The following RBBP5 variants were observed in gnomAD, a reference collection of about 807,000 sequenced individuals.
RBBP5 encodes the protein RB binding protein 5, histone lysine methyltransferase complex subunit.
Under a neutral mutation model 72.2 loss-of-function variants are expected in RBBP5, and 5 were observed. The ratio of observed to expected loss-of-function variants is 0.07; its 90% CI spans 0.04 to 0.15. The LOEUF is 0.15. Ranked by LOEUF, RBBP5 falls within the 10% of genes least tolerant of loss-of-function variation. The pLI is 1.00. For synonymous variants in RBBP5, 209 were observed against 237.2 expected, an observed-to-expected ratio of 0.88 and a Z score of 1.09; for missense variants, 322 against 652.2, an observed-to-expected ratio of 0.49 and a Z score of 5.51.
intron 3 of RBBP5, 119 bp downstream of exon 3, chr1:205,114,670 T>C: frequency 1.0e-6 from 1 of 982,024 alleles, no homozygotes; most frequent in Non-Finnish European, 1.5e-6. Context: ...TGATAAACTG[T>C]ATTACTAATG....
Position 205,105,183 on chromosome 1 carries a change from G to A in RBBP5, c.219-15C>T, listed in dbSNP as rs755345078. 1.2e-6 allele frequency: 2 copies of A among 1,604,370 alleles called. No homozygotes were observed. Among genetic ancestry groups the A allele is most frequent in the Non-Finnish European group, 1.7e-6 (2 of 1,176,456 alleles). ...CTCGGCTCCAGCTGAGGAAAAAAAA[G>A]GGGTAATTTAGCACATATTCTAAGT... On this transcript the variant is annotated splice_polypyrimidine_tract_variant and intron_variant, in intron 3 of 13. Transcript: ENST00000264515.
intron 13 of RBBP5, chr1:205,091,357 T>C (rs1487974887): frequency 6.6e-6 from 1 of 152,274 alleles, no homozygotes; most frequent in Non-Finnish European, 1.5e-5. Flanking sequence ...ATTTGATAGA[T>C]AGCGCAGACT....
At chr1:205,101,765 G>T in intron 5 of RBBP5, 56 bp from the exon 6 acceptor site, 1 of 1,275,644 alleles carries the variant, frequency 7.8e-7, no homozygotes, top group South Asian at 1.2e-5. Flanking sequence ...AACAATAATT[G>T]ATTTGGCTTG....
chr1:205,093,622 C>T (rs1319960133), intron 13 of RBBP5, among the ~76,000 whole-genome samples: 2 of 146,992 alleles, frequency 1.4e-5, no homozygotes, highest in East Asian at 2.0e-4. Context: ...TGAATGTGGA[C>T]GTGGTAACCA....
chr1:205,093,479 AATATATATATATATATAT>A (rs1204598107), intron 13 of RBBP5, among the ~76,000 whole-genome samples: 5 of 7,844 alleles, frequency 6.4e-4, no homozygotes, highest in Admixed American at 4.1e-3. Flanking sequence ...AAAAAAAAAA[AATATATATATATATATAT>A]ATATATATAT....
chr1:205,091,600 C>T (rs780965584), intron 13 of RBBP5: 2 of 152,210 alleles, frequency 1.3e-5, no homozygotes, highest in Admixed American at 6.5e-5. Context: ...GCATACTCTC[C>T]TGTTGCAACA....
intron 1 of RBBP5, among the ~76,000 whole-genome samples, chr1:205,117,608 C>T (rs1574721696): frequency 2.0e-5 from 3 of 151,490 alleles, no homozygotes; most frequent in South Asian, 4.2e-4. Context: ...TGCAGTGAGC[C>T]GAGGTCACAC....
intron 3 of RBBP5, among the ~76,000 whole-genome samples, chr1:205,106,080 G>A (rs904637537): frequency 6.6e-6 from 1 of 152,158 alleles, no homozygotes; most frequent in African/African-American, 2.4e-5. Flanking sequence ...TGGTGTCAGA[G>A]AAGGACACAT....
chr1:205,100,375 A>G, intron 6 of RBBP5, 104 bp from the exon 7 acceptor site: 2 of 1,331,700 alleles, frequency 1.5e-6, no homozygotes, highest in Non-Finnish European at 2.0e-6. Flanking sequence ...AATCAAAGTA[A>G]TAGACTAGAA....
At position 205,088,695 on chromosome 1, in the gene RBBP5, T is replaced by A. The variant is rs1655219810; in HGVS notation, c.*92A>T. ...CTGGGTGGGAGGCACAGGCCTTTGT[T>A]TTAAATTAAAGTCAATTTTCAAATG... On this transcript the variant is annotated 3_prime_UTR_variant, in exon 14 of 14. Transcript: ENST00000264515. 3 of 1,388,022 alleles carry A rather than the reference T, an allele frequency of 2.2e-6. No individual in the cohort carries two copies. The South Asian group carries it at 3.8e-5, about 18-fold the overall frequency. 86.0% of individuals were successfully genotyped at this position (1,388,022 alleles called of 1,614,324 possible).
rs182671079 is a variant in RBBP5 at position 205,095,191 on chromosome 1, T to C, written c.1397-127A>G. ...AATTAATAATTATAAAGAGAAAAGTTTGTCTTATTTCTATAAGTATAAAAC... is the reference window on the plus strand; with the variant it reads ...AATTAATAATTATAAAGAGAAAAGTCTGTCTTATTTCTATAAGTATAAAAC... On this transcript the variant is annotated intron_variant, in intron 12 of 13. Coordinates refer to ENST00000264515, the MANE Select transcript of RBBP5 (RefSeq NM_005057.4). 193 of 925,142 alleles carry C rather than the reference T, an allele frequency of 2.1e-4. 3 individuals are homozygous for C. Among genetic ancestry groups the C allele is most frequent in the Middle Eastern group, 1.7e-3 (5 of 2,958 alleles). 57.3% of individuals were successfully genotyped at this position (925,142 alleles called of 1,614,324 possible). A position where few individuals can be genotyped will look rare whatever the true frequency, so the allele number is the denominator to read the frequency against.
At chr1:205,118,243 T>C (rs993957198) in intron 1 of RBBP5, among the ~76,000 whole-genome samples, 3 of 152,168 alleles carry the variant, frequency 2.0e-5, no homozygotes, top group Non-Finnish European at 2.9e-5. Context: ...ATTTCAATGT[T>C]TTTCAAACAG....
At chr1:205,095,304 A>G (rs1227957486) in intron 12 of RBBP5, among the ~76,000 whole-genome samples, 1 of 152,236 alleles carries the variant, frequency 6.6e-6, no homozygotes, top group Non-Finnish European at 1.5e-5. Flanking sequence ...CACAGGCTAC[A>G]TGCGGCCTAG....
intron 5 of RBBP5, 21 bp downstream of exon 5, chr1:205,103,836 T>C: frequency 1.2e-6 from 2 of 1,602,642 alleles, no homozygotes; most frequent in South Asian, 1.1e-5. Flanking sequence ...AGATGCCTGA[T>C]TTGCCAGCTT....
intron 5 of RBBP5, among the ~76,000 whole-genome samples, chr1:205,103,399 GA>G (rs1655925896): frequency 6.6e-6 from 1 of 152,148 alleles, no homozygotes; most frequent in Admixed American, 6.6e-5. Flanking sequence ...TTATTCCACA[GA>G]AGAAACACCT....
intron 5 of RBBP5, among the ~76,000 whole-genome samples, chr1:205,102,534 A>G (rs1268007106): frequency 1.3e-5 from 2 of 152,184 alleles, no homozygotes; most frequent in African/African-American, 4.8e-5. Flanking sequence ...ATTATGATTC[A>G]ATAGGTACAG....
chr1:205,121,868 G>A lies in RBBP5; in HGVS notation c.6C>T (p.Asn2=). M[N]LELLESFGQN... ...AGCCCTTCTCACCCAGCAACTCGAG[G>A]TTCATCCCTGCGGACTGTGGCCGCC... The change falls in exon 1 of 14, where the codon AAC becomes AAT. Residue 2 remains asparagine (N), a synonymous_variant. Coordinates refer to ENST00000264515, the MANE Select transcript of RBBP5 (RefSeq NM_005057.4). 1 of 1,611,698 alleles carries A rather than the reference G, an allele frequency of 6.2e-7. No individual in the cohort carries two copies. Among genetic ancestry groups the A allele is most frequent in the Non-Finnish European group, 8.5e-7 (1 of 1,179,996 alleles).
intron 5 of RBBP5, among the ~76,000 whole-genome samples, chr1:205,102,171 CA>C (rs1421981618): frequency 6.6e-6 from 1 of 152,186 alleles, no homozygotes; most frequent in Non-Finnish European, 1.5e-5. Context: ...GCTGGGATTA[CA>C]GGCATTCACC....
chr1:205,103,402 G>T (rs1400444214), intron 5 of RBBP5, among the ~76,000 whole-genome samples: 1 of 152,108 alleles, frequency 6.6e-6, no homozygotes, highest in Non-Finnish European at 1.5e-5. Context: ...TTCCACAGAA[G>T]AAACACCTTC....
Sources: gnomAD v4.1 joint callset for allele counts (sites outside exome capture counted in the v4.1 genomes callset) on GRCh38, gnomAD v4.1.1 for gene constraint, MANE v1.5 for transcripts, NCBI Gene and HGNC (gene_info 2026-07-23, HGNC 2026-07-21) for gene names.